The following SLC24A4 variants were observed in gnomAD, a reference collection of about 807,000 sequenced individuals.
SLC24A4 encodes sodium/potassium/calcium exchanger 4.
A neutral mutation model predicts 79.0 loss-of-function variants in SLC24A4; 53 were observed. That is an observed-to-expected ratio of 0.67 (90% CI 0.54 to 0.84). SLC24A4 has a LOEUF of 0.84. SLC24A4 is among the 40% of genes least tolerant of loss of function. The pLI, the probability that SLC24A4 is intolerant of heterozygous loss-of-function variation, is 0.00. For synonymous variants in SLC24A4, 323 were observed against 323.8 expected (o/e 1.00, Z 0.03); for missense variants, 731 against 822.0 (o/e 0.89, Z 1.35).
intron 2 of SLC24A4, among the ~76,000 whole-genome samples, chr14:92,402,971 A>G (rs1262898027): frequency 1.3e-5 from 2 of 152,116 alleles, no homozygotes; most frequent in Admixed American, 6.5e-5. Context: ...TCCCACAGCC[A>G]TCCAGCTTGC....
intron 2 of SLC24A4, among the ~76,000 whole-genome samples, chr14:92,432,418 C>A (rs1234507922): frequency 1.3e-5 from 2 of 152,182 alleles, no homozygotes; most frequent in South Asian, 2.1e-4. Flanking sequence ...GCTCTCAAAA[C>A]CCTGGTTTGG....
At chr14:92,438,409 G>A (rs1388473761) in intron 3 of SLC24A4, among the ~76,000 whole-genome samples, 1 of 152,034 alleles carries the variant, frequency 6.6e-6, no homozygotes, top group African/African-American at 2.4e-5. Flanking sequence ...TTCAAAACCA[G>A]CCTGGAAAAC....
At chr14:92,380,639 G>A (rs868117271) in intron 2 of SLC24A4, among the ~76,000 whole-genome samples, 1 of 152,246 alleles carries the variant, frequency 6.6e-6, no homozygotes, top group Non-Finnish European at 1.5e-5. Flanking sequence ...TGAGGCAGGT[G>A]TAATTTATCG....
chr14:92,480,019 C>T (rs1894970883), intron 12 of SLC24A4, among the ~76,000 whole-genome samples: 1 of 151,968 alleles, frequency 6.6e-6, no homozygotes, highest in Admixed American at 6.6e-5. Context: ...AGTGATGTCC[C>T]TGTTTTATTC....
intron 10 of SLC24A4, among the ~76,000 whole-genome samples, chr14:92,449,493 T>C (rs962936442): frequency 6.6e-5 from 10 of 152,126 alleles, no homozygotes; most frequent in African/African-American, 2.2e-4. Context: ...CTGGGCGCTT[T>C]CCCATGCCTT....
At chr14:92,431,288 C>T (rs1422684156) in intron 2 of SLC24A4, among the ~76,000 whole-genome samples, 1 of 152,208 alleles carries the variant, frequency 6.6e-6, no homozygotes, top group Non-Finnish European at 1.5e-5. Context: ...CCAGGTTCTG[C>T]TGTGATCTCC....
intron 2 of SLC24A4, among the ~76,000 whole-genome samples, chr14:92,393,545 C>CT (rs5810597): frequency 0.33 from 36,541 of 112,052 alleles, 7,063 homozygotes; most frequent in Middle Eastern, 0.49. Context: ...AAGACACACT[C>CT]TTTTTTTTTT....
intron 2 of SLC24A4, among the ~76,000 whole-genome samples, chr14:92,408,166 A>AGTGT (rs143375295): frequency 0.028 from 3,842 of 136,846 alleles, 100 homozygotes; most frequent in African/African-American, 0.057. Flanking sequence ...TTGCTACAGC[A>AGTGT]GTGTGTGTGT....
chr14:92,492,823 G>A lies in SLC24A4; in HGVS notation c.1716+583G>A, dbSNP rs531973337. 130 of 454,810 alleles carry A rather than the reference G, an allele frequency of 2.9e-4. 1 individual carries two copies. Among genetic ancestry groups the A allele is most frequent in the Non-Finnish European group, 5.0e-4 (114 of 226,762 alleles). 28.2% of individuals were successfully genotyped at this position (454,810 alleles called of 1,614,324 possible). Reference sequence around the variant, plus strand: ...CTTAGGGAACTCTGACTTTTTACTCGCAGTGCTCCAGTGAGGTTCCTGGGA... The same window carrying A: ...CTTAGGGAACTCTGACTTTTTACTCACAGTGCTCCAGTGAGGTTCCTGGGA... On this transcript the variant is annotated intron_variant, in intron 16 of 16. Coordinates refer to ENST00000532405, the MANE Select transcript of SLC24A4 (RefSeq NM_153646.4).
chr14:92,369,855 T>C (rs527340346), intron 2 of SLC24A4, among the ~76,000 whole-genome samples: 11 of 152,304 alleles, frequency 7.2e-5, no homozygotes, highest in African/African-American at 2.4e-4. Flanking sequence ...AATGTCTCCT[T>C]TGGGAGAAGG....
intron 2 of SLC24A4, among the ~76,000 whole-genome samples, chr14:92,351,259 A>ACACACACACACACACACAC (rs1886850190): frequency 6.6e-6 from 1 of 150,562 alleles, no homozygotes; most frequent in Non-Finnish European, 1.5e-5. Context: ...CACACACACA[A>ACACACACACACACACACAC]AACACCCAAT....
At chr14:92,463,714 A>G (rs113799171) in intron 12 of SLC24A4, among the ~76,000 whole-genome samples, 4 of 152,162 alleles carry the variant, frequency 2.6e-5, no homozygotes, top group African/African-American at 9.7e-5. Flanking sequence ...AGTGGCTTTT[A>G]ATATAGTCAC....
chr14:92,331,678 G>A (rs1474885643), intron 2 of SLC24A4, among the ~76,000 whole-genome samples: 11 of 152,124 alleles, frequency 7.2e-5, no homozygotes, highest in South Asian at 6.2e-4. Flanking sequence ...ACCATAATAC[G>A]TGCTTCACTT....
chr14:92,381,604 CAA>C (rs1888854804), intron 2 of SLC24A4, among the ~76,000 whole-genome samples: 1 of 151,848 alleles, frequency 6.6e-6, no homozygotes, highest in African/African-American at 2.4e-5. Context: ...ACTTAAAGTA[CAA>C]TTTAAAAAAA....
intron 2 of SLC24A4, among the ~76,000 whole-genome samples, chr14:92,401,702 A>G (rs949076890): frequency 1.3e-5 from 2 of 152,128 alleles, no homozygotes; most frequent in African/African-American, 2.4e-5. Context: ...ACCTTGGGCG[A>G]GTTATCTAAC....
At chr14:92,327,197 T>C (rs1317585978) in intron 2 of SLC24A4, among the ~76,000 whole-genome samples, 1 of 152,194 alleles carries the variant, frequency 6.6e-6, no homozygotes, top group Non-Finnish European at 1.5e-5. Flanking sequence ...TTCATACTGT[T>C]TTTATGCTAT....
At chr14:92,447,837 A>T (rs1288559063) in intron 9 of SLC24A4, among the ~76,000 whole-genome samples, 1 of 152,238 alleles carries the variant, frequency 6.6e-6, no homozygotes, top group African/African-American at 2.4e-5. Context: ...GCTTCATAAA[A>T]TGCCACTTCT....
intron 2 of SLC24A4, among the ~76,000 whole-genome samples, chr14:92,425,827 C>T (rs1305874616): frequency 6.6e-6 from 1 of 152,100 alleles, no homozygotes; most frequent in Non-Finnish European, 1.5e-5. Flanking sequence ...CAAAAAAATA[C>T]AATAATTAGC....
intron 2 of SLC24A4, among the ~76,000 whole-genome samples, chr14:92,413,896 G>C (rs564047851): frequency 1.2e-4 from 18 of 152,324 alleles, no homozygotes; most frequent in African/African-American, 4.3e-4. Flanking sequence ...TCGACTGAAT[G>C]AGACTTTAAG....
Sources: gnomAD v4.1 joint callset for allele counts (sites outside exome capture counted in the v4.1 genomes callset) on GRCh38, gnomAD v4.1.1 for gene constraint, MANE v1.5 for transcripts, NCBI Gene and HGNC (gene_info 2026-07-23, HGNC 2026-07-21) for gene names.